MIR2052HG: variants seen among roughly 807,000 people sequenced by gnomAD.
MIR2052HG encodes the protein MIR2052 host gene.
intron 2 of MIR2052HG, among the ~76,000 whole-genome samples, chr8:74,635,580 C>G (rs1808573082): frequency 6.6e-6 from 1 of 152,160 alleles, no homozygotes; most frequent in Admixed American, 6.5e-5. Context: ...GAAATTCAAA[C>G]TGGGGTCATC....
chr8:74,695,468 A>G (rs1249105080), intron 2 of MIR2052HG, among the ~76,000 whole-genome samples: 1 of 152,192 alleles, frequency 6.6e-6, no homozygotes, highest in Non-Finnish European at 1.5e-5. Flanking sequence ...CTCAATACTA[A>G]TGTTGAATAT....
chr8:74,703,038 T>G (rs1192767156), intron 3 of MIR2052HG, among the ~76,000 whole-genome samples: 1 of 151,964 alleles, frequency 6.6e-6, no homozygotes, highest in African/African-American at 2.4e-5. Context: ...TGAAAATGAG[T>G]TCCCTAATGT....
intron 2 of MIR2052HG, among the ~76,000 whole-genome samples, chr8:74,672,093 C>G (rs943418543): frequency 7.2e-5 from 11 of 151,986 alleles, no homozygotes; most frequent in Non-Finnish European, 8.8e-5. Flanking sequence ...ATATGGCTAC[C>G]CAGTAAAGAT....
At chr8:74,640,920 A>G (rs75213681) in intron 2 of MIR2052HG, among the ~76,000 whole-genome samples, 6,803 of 152,286 alleles carry the variant, frequency 0.045, 229 homozygotes, top group Non-Finnish European at 0.053. Flanking sequence ...GTTTAAGGTC[A>G]TTAAAATCCT....
chr8:74,672,390 G>A (rs921618216), intron 2 of MIR2052HG, among the ~76,000 whole-genome samples: 1 of 152,100 alleles, frequency 6.6e-6, no homozygotes, highest in African/African-American at 2.4e-5. Context: ...GGATGAAAGA[G>A]ATGGGTAAAA....
At chr8:74,604,152 C>A in intron 1 of MIR2052HG, 1 of 892,158 alleles carries the variant, frequency 1.1e-6, no homozygotes, top group Admixed American at 1.7e-5. Context: ...ATTCTCCTTT[C>A]TTTCCGATGA....
intron 4 of MIR2052HG, among the ~76,000 whole-genome samples, chr8:74,728,409 C>T (rs1007225871): frequency 6.6e-6 from 1 of 152,140 alleles, no homozygotes; most frequent in Non-Finnish European, 1.5e-5. Context: ...TAATTTTAGA[C>T]CAGATGGCTA....
chr8:74,689,192 C>T (rs557408255), intron 2 of MIR2052HG, among the ~76,000 whole-genome samples: 8 of 152,156 alleles, frequency 5.3e-5, no homozygotes, highest in Non-Finnish European at 7.4e-5. Context: ...ATTAGAAAAA[C>T]GTTTGGGACA....
chr8:74,721,433 A>G (rs1256105956), intron 4 of MIR2052HG, among the ~76,000 whole-genome samples: 2 of 152,158 alleles, frequency 1.3e-5, no homozygotes, highest in African/African-American at 2.4e-5. Flanking sequence ...TCAGTCCCAT[A>G]TGGTACTGAC....
chr8:74,602,685 T>C (rs1328885401), intron 1 of MIR2052HG, among the ~76,000 whole-genome samples: 1 of 151,788 alleles, frequency 6.6e-6, no homozygotes, highest in East Asian at 1.9e-4. Flanking sequence ...CTAATTTTTG[T>C]ATTTTTTTTT....
chr8:74,629,391 G>T (rs973712557), intron 2 of MIR2052HG, among the ~76,000 whole-genome samples: 2 of 151,992 alleles, frequency 1.3e-5, no homozygotes, highest in African/African-American at 2.4e-5. Context: ...ACTTAGCCAG[G>T]TTGCAGATAA....
At chr8:74,716,035 A>G (rs920070818) in intron 4 of MIR2052HG, among the ~76,000 whole-genome samples, 6 of 152,230 alleles carry the variant, frequency 3.9e-5, no homozygotes, top group African/African-American at 1.4e-4. Flanking sequence ...AGAAGATCCC[A>G]GAAAGCTCTG....
intron 2 of MIR2052HG, among the ~76,000 whole-genome samples, chr8:74,638,384 G>T (rs541694442): frequency 1.3e-5 from 2 of 152,256 alleles, no homozygotes; most frequent in South Asian, 4.2e-4. Context: ...CCAATGAAGG[G>T]TTTTAAGCAG....
chr8:74,641,297 A>G (rs1297300462), intron 2 of MIR2052HG, among the ~76,000 whole-genome samples: 1 of 152,178 alleles, frequency 6.6e-6, no homozygotes, highest in Non-Finnish European at 1.5e-5. Context: ...GGCCATGTAC[A>G]TATAGCCAAA....
At chr8:74,712,595 A>T (rs1484289005) in intron 4 of MIR2052HG, among the ~76,000 whole-genome samples, 1 of 152,132 alleles carries the variant, frequency 6.6e-6, no homozygotes. Flanking sequence ...TGGATCAGGG[A>T]TTAGAATTCA....
chr8:74,674,697 C>T (rs972844469), intron 2 of MIR2052HG, among the ~76,000 whole-genome samples: 7 of 151,774 alleles, frequency 4.6e-5, no homozygotes, highest in Non-Finnish European at 8.8e-5. Context: ...GTTGCTAAAA[C>T]GTATCTTAGA....
exon 5 of MIR2052HG, chr8:74,752,521 A>G (rs868823275): frequency 2.2e-5 from 10 of 455,470 alleles, no homozygotes; most frequent in South Asian, 1.6e-4. Context: ...GTTCCTGAAG[A>G]GTTCATCTGA....
intron 1 of MIR2052HG, among the ~76,000 whole-genome samples, chr8:74,608,059 A>T (rs987570771): frequency 6.6e-6 from 1 of 152,214 alleles, no homozygotes; most frequent in Non-Finnish European, 1.5e-5. Context: ...AGAATTTTGC[A>T]TGGGACTTTG....
rs148682912 is a variant in MIR2052HG at position 74,670,291 on chromosome 8, A to T, written n.217-32088A>T. 1.1e-3 allele frequency among the ~76,000 whole-genome samples: 160 copies of T among 152,302 alleles called. 1 individual carries two copies. The highest frequency in any genetic ancestry group is 6.0e-3 in the Admixed American group (91 of 15,278). Reference sequence around the variant, plus strand: ...CAGTGCACTTAACAAAAATATATTAACTGGCTTGGTGACTGTTGCCTCAAA... The same window carrying T: ...CAGTGCACTTAACAAAAATATATTATCTGGCTTGGTGACTGTTGCCTCAAA... On this transcript the variant is annotated intron_variant and non_coding_transcript_variant, in intron 2 of 6. Coordinates refer to ENST00000523442, the Ensembl canonical transcript of MIR2052HG.
Sources: allele counts gnomAD v4.1 joint callset (sites outside exome capture counted in the v4.1 genomes callset), GRCh38; gene constraint gnomAD v4.1.1; transcripts MANE v1.5; gene names NCBI Gene and HGNC (gene_info 2026-07-23, HGNC 2026-07-21).